CACNA1E: variants seen among roughly 807,000 people sequenced by gnomAD.
CACNA1E encodes calcium voltage-gated channel subunit alpha1 E.
Under a neutral mutation model 259.2 loss-of-function variants are expected in CACNA1E, and 40 were observed. The observed-to-expected ratio is 0.15, with a 90% CI of 0.12 to 0.20. The LOEUF (loss-of-function observed/expected upper bound fraction) is 0.20, where lower values mean the gene tolerates loss of function less well. Ranked by LOEUF, CACNA1E falls within the 10% of genes least tolerant of loss-of-function variation. The probability of loss-of-function intolerance (pLI) is 1.00; values close to 1 mark genes in which losing one functional copy is unlikely to be tolerated. For missense variants in CACNA1E, 1,874 were observed against 3,040.1 expected (o/e 0.62, Z 9.02); for synonymous variants, 1,104 against 1,138.5 (o/e 0.97, Z 0.61).
At chr1:181,628,721 A>G (rs1656426769) in intron 6 of CACNA1E, among the ~76,000 whole-genome samples, 1 of 152,188 alleles carries the variant, frequency 6.6e-6, no homozygotes, top group African/African-American at 2.4e-5. Context: ...TTCTTTAGGA[A>G]CCAGGCATGT....
Position 181,776,962 on chromosome 1 carries a change from G to A in CACNA1E, c.5267+734G>A, listed in dbSNP as rs113585536. 4.9e-3 allele frequency among the ~76,000 whole-genome samples: 752 copies of A among 152,316 alleles called. 2 individuals are homozygous for A. Among genetic ancestry groups the A allele is most frequent in the Non-Finnish European group, 7.5e-3 (507 of 68,028 alleles). On this transcript the variant is annotated intron_variant, in intron 38 of 47. Transcript: ENST00000367573. This position sits in a 1 kb window ranked among gnomAD's most constrained non-coding sequence, Gnocchi z 4.4. The stretch of plus-strand genomic sequence containing the variant: ...ATTCGTTTACGTATTGTCTCTGGCT[G>A]CTTACATACTACAAGGAAGAGGTGA...
intron 1 of CACNA1E, among the ~76,000 whole-genome samples, chr1:181,497,579 G>C (rs937945644): frequency 1.3e-5 from 2 of 152,172 alleles, no homozygotes; most frequent in Non-Finnish European, 2.9e-5. Flanking sequence ...CTAGAGGAGT[G>C]TATCATTTAA....
intron 3 of CACNA1E, among the ~76,000 whole-genome samples, chr1:181,555,888 C>T (rs961422433): frequency 6.6e-6 from 1 of 152,198 alleles, no homozygotes; most frequent in African/African-American, 2.4e-5. Context: ...CTTTCTTAAG[C>T]TTTATGAAGA....
At chr1:181,478,643 GT>G (rs67929326), upstream of CACNA1E, among the ~76,000 whole-genome samples, 140 of 152,352 alleles carry the variant, frequency 9.2e-4, no homozygotes, top group Non-Finnish European at 1.2e-3. Context: ...AACTGGCAGG[GT>G]GGGGGAAGAT....
chr1:181,699,678 A>G (rs746481040), intron 7 of CACNA1E, among the ~76,000 whole-genome samples: 5 of 152,200 alleles, frequency 3.3e-5, no homozygotes, highest in African/African-American at 4.8e-5. Context: ...CTTGCAGCCA[A>G]CTGAAGGCAA....
chr1:181,599,903 G>A (rs1016765464), intron 6 of CACNA1E, among the ~76,000 whole-genome samples: 40 of 152,138 alleles, frequency 2.6e-4, no homozygotes, highest in Admixed American at 1.4e-3. Flanking sequence ...TAGGAGTCAG[G>A]GATATAGTGA....
chr1:181,722,570 T>G (rs1231704731), intron 16 of CACNA1E, among the ~76,000 whole-genome samples: 1 of 152,190 alleles, frequency 6.6e-6, no homozygotes, highest in Non-Finnish European at 1.5e-5. Flanking sequence ...ACTTAATGAC[T>G]CCAAGCTTCT....
chr1:181,744,832 A>G (rs189580502), intron 25 of CACNA1E, among the ~76,000 whole-genome samples: 9 of 152,342 alleles, frequency 5.9e-5, no homozygotes, highest in Admixed American at 5.9e-4. Flanking sequence ...TGTTCTGTGG[A>G]AGAGAACGAA....
intron 3 of CACNA1E, among the ~76,000 whole-genome samples, chr1:181,542,945 C>T (rs2102792758): frequency 1.3e-5 from 2 of 149,834 alleles, no homozygotes; most frequent in Admixed American, 1.3e-4. Context: ...ACACGTTGCT[C>T]ATAAGCATAT....
At chr1:181,724,333 G>A (rs1654688279) in intron 16 of CACNA1E, 137 bp from the exon 17 acceptor site, 3 of 649,696 alleles carry the variant, frequency 4.6e-6, no homozygotes, top group South Asian at 3.7e-5. Flanking sequence ...TGTTCTCACA[G>A]CCCCTGCTTA....
At chr1:181,733,248 T>C (rs1655690251) in intron 20 of CACNA1E, among the ~76,000 whole-genome samples, 189 bp from the exon 21 acceptor site, 1 of 152,250 alleles carries the variant, frequency 6.6e-6, no homozygotes, top group Middle Eastern at 3.4e-3. Context: ...GATAGAAGGA[T>C]GGGAATAAGG....
At chr1:181,729,932 G>A (rs563685410) in intron 18 of CACNA1E, among the ~76,000 whole-genome samples, 1 of 152,290 alleles carries the variant, frequency 6.6e-6, no homozygotes, top group South Asian at 2.1e-4. Flanking sequence ...CATGCTTCTT[G>A]GCTCTCCCGC....
chr1:181,659,345 A>G (rs1479470215), intron 7 of CACNA1E, among the ~76,000 whole-genome samples: 1 of 152,204 alleles, frequency 6.6e-6, no homozygotes, highest in Non-Finnish European at 1.5e-5. Context: ...AAGAGGAAGT[A>G]TGGATGGAAG....
intron 1 of CACNA1E, among the ~76,000 whole-genome samples, chr1:181,383,583 G>C (rs1178127465): frequency 6.6e-6 from 1 of 152,146 alleles, no homozygotes; most frequent in African/African-American, 2.4e-5. Flanking sequence ...AATTTAAAAC[G>C]GTCTGTGGGG....
At chr1:181,567,231 T>C (rs769563606) in intron 3 of CACNA1E, among the ~76,000 whole-genome samples, 2 of 152,208 alleles carry the variant, frequency 1.3e-5, no homozygotes, top group Non-Finnish European at 2.9e-5. Context: ...TGCCTTACTT[T>C]TGTTAAATAC....
intron 1 of CACNA1E, among the ~76,000 whole-genome samples, chr1:181,509,486 A>G (rs1665990123): frequency 6.6e-6 from 1 of 152,138 alleles, no homozygotes; most frequent in Admixed American, 6.5e-5. Flanking sequence ...CTTCTGGAGC[A>G]CAGGTTGCTC....
chr1:181,775,580 A>G (rs1027054003), intron 37 of CACNA1E, among the ~76,000 whole-genome samples: 1 of 152,228 alleles, frequency 6.6e-6, no homozygotes, highest in African/African-American at 2.4e-5. Context: ...TTGGCAAACT[A>G]TAGCCCTTGG....
At position 181,372,795 on chromosome 1, in the gene CACNA1E, A is replaced by G. The variant is rs1431811177; in HGVS notation, c.-14-40338A>G. On this transcript the variant is annotated intron_variant, in intron 1 of 11. Transcript: ENST00000524607. ...ACCTAGTTTGTTGAGCTACTAGCTC[A>G]TGAAGGGATGTTGAATATATATATA... Among the ~76,000 whole-genome samples, 4 of 148,850 alleles carry G rather than the reference A, an allele frequency of 2.7e-5. No homozygotes were observed. In the Admixed American group the frequency reaches 2.7e-4, roughly 10 times the overall value.
intron 43 of CACNA1E, among the ~76,000 whole-genome samples, chr1:181,790,005 T>G (rs1661160158): frequency 6.6e-6 from 1 of 152,230 alleles, no homozygotes; most frequent in Non-Finnish European, 1.5e-5. Context: ...TGGCCAGGGA[T>G]GTTGGCGAAA....
Sources: allele counts gnomAD v4.1 joint callset (sites outside exome capture counted in the v4.1 genomes callset), GRCh38; gene constraint gnomAD v4.1.1; non-coding constraint Gnocchi (gnomAD v3.1); transcripts MANE v1.5; gene names NCBI Gene and HGNC (gene_info 2026-07-23, HGNC 2026-07-21).